Variants in LGSN observed in about 807,000 individuals in gnomAD.
LGSN encodes the protein lengsin, lens protein with glutamine synthetase domain.
A neutral mutation model predicts 19.5 loss-of-function variants in LGSN; 21 were observed. The ratio of observed to expected loss-of-function variants is 1.07; its 90% CI spans 0.76 to 1.55. The LOEUF is 1.55. LGSN is among the 40% of genes most tolerant of loss of function. The pLI, the probability that LGSN is intolerant of heterozygous loss-of-function variation, is 0.00. For synonymous variants in LGSN, 257 were observed against 215.6 expected, an observed-to-expected ratio of 1.19 and a Z score of -1.68; for missense variants, 673 against 608.5, an observed-to-expected ratio of 1.11 and a Z score of -1.12.
chr6:63,416,211 T>G, the LGSN span, among the ~76,000 whole-genome samples: 5 of 152,166 alleles, frequency 3.3e-5, no homozygotes, highest in East Asian at 9.7e-4. Context: ...CACGATTCAT[T>G]GCTACTGTCT....
At chr6:63,370,778 C>T in the LGSN span, among the ~76,000 whole-genome samples, 1 of 152,210 alleles carries the variant, frequency 6.6e-6, no homozygotes, top group African/African-American at 2.4e-5. Context: ...TGCACTCATC[C>T]TGCAAGTAGC....
At chr6:63,504,961 T>G in the LGSN span, among the ~76,000 whole-genome samples, 1 of 152,192 alleles carries the variant, frequency 6.6e-6, no homozygotes, top group Admixed American at 6.5e-5. Context: ...TGTCACACAT[T>G]CTTTTGAGTC....
the LGSN span, among the ~76,000 whole-genome samples, chr6:63,425,103 A>G: frequency 6.6e-6 from 1 of 152,212 alleles, no homozygotes; most frequent in African/African-American, 2.4e-5. Context: ...AATGGCTACA[A>G]TGAAAAATGG....
the LGSN span, among the ~76,000 whole-genome samples, chr6:63,542,022 GGTGTGTGTGTGTGTGT>G: frequency 2.9e-4 from 43 of 146,844 alleles, no homozygotes; most frequent in African/African-American, 1.0e-3. Context: ...AAGAAACTGT[GGTGTGTGTGTGTGTGT>G]GTGTGTGTGT....
the LGSN span, among the ~76,000 whole-genome samples, chr6:63,547,033 G>C: frequency 6.6e-6 from 1 of 152,054 alleles, no homozygotes; most frequent in African/African-American, 2.4e-5. Context: ...AGTAGTGATA[G>C]ATGGTTTTCA....
At chr6:63,323,970 G>A (rs147624920), upstream of LGSN, among the ~76,000 whole-genome samples, 328 of 151,826 alleles carry the variant, frequency 2.2e-3, 4 homozygotes, top group African/African-American at 7.6e-3. Flanking sequence ...ACAGGGTTTC[G>A]CCATGTTGGC....
chr6:63,508,025 A>C, the LGSN span, among the ~76,000 whole-genome samples: 2 of 148,230 alleles, frequency 1.3e-5, no homozygotes, highest in South Asian at 4.3e-4. Flanking sequence ...GTTGGATCCT[A>C]ATTTTCCTTC....
chr6:63,555,883 A>G, the LGSN span, among the ~76,000 whole-genome samples: 1 of 151,910 alleles, frequency 6.6e-6, no homozygotes, highest in South Asian at 2.1e-4. Context: ...TAGTAGAGAC[A>G]GGGTTTCGCT....
At chr6:63,320,464 A>T (rs148778742), upstream of LGSN, among the ~76,000 whole-genome samples, 2 of 152,132 alleles carry the variant, frequency 1.3e-5, no homozygotes, top group African/African-American at 4.8e-5. Context: ...CTGGCCTCCA[A>T]ATTAATTCTG....
chr6:63,323,518 T>A (rs1386489198), upstream of LGSN, among the ~76,000 whole-genome samples: 1 of 150,088 alleles, frequency 6.7e-6, no homozygotes, highest in Admixed American at 6.7e-5. Context: ...CTACTTATTG[T>A]GATAATATCT....
At chr6:63,316,002 A>G (rs1294040757) in intron 1 of LGSN, among the ~76,000 whole-genome samples, 3 of 152,088 alleles carry the variant, frequency 2.0e-5, no homozygotes, top group Admixed American at 1.3e-4. Context: ...AATTTTACTT[A>G]ATATAATAAG....
the LGSN span, among the ~76,000 whole-genome samples, chr6:63,345,268 T>C: frequency 6.6e-6 from 1 of 152,218 alleles, no homozygotes; most frequent in Non-Finnish European, 1.5e-5. Context: ...AGGTGGTTTC[T>C]TTTTTATTTC....
the LGSN span, among the ~76,000 whole-genome samples, chr6:63,378,246 T>C: frequency 6.6e-6 from 1 of 152,132 alleles, no homozygotes; most frequent in Non-Finnish European, 1.5e-5. Flanking sequence ...AACATCTGGC[T>C]TTCTTGATCA....
chr6:63,481,193 T>C, the LGSN span, among the ~76,000 whole-genome samples: 1 of 152,040 alleles, frequency 6.6e-6, no homozygotes, highest in Non-Finnish European at 1.5e-5. Context: ...TACAAAGTGA[T>C]ATAATGTGAC....
At chr6:63,363,071 C>T in the LGSN span, among the ~76,000 whole-genome samples, 1 of 152,232 alleles carries the variant, frequency 6.6e-6, no homozygotes, top group South Asian at 2.1e-4. Flanking sequence ...GATAGTGATA[C>T]CCAGGCAAAC....
At chr6:63,551,872 T>A in the LGSN span, among the ~76,000 whole-genome samples, 1 of 152,230 alleles carries the variant, frequency 6.6e-6, no homozygotes, top group Non-Finnish European at 1.5e-5. Flanking sequence ...GGACATGAAC[T>A]CATCATTTTT....
At chr6:63,440,248 T>C in the LGSN span, among the ~76,000 whole-genome samples, 1 of 152,298 alleles carries the variant, frequency 6.6e-6, no homozygotes, top group East Asian at 1.9e-4. Flanking sequence ...TGATTCTCCC[T>C]GCATAATGCC....
chr6:63,443,713 G>A, the LGSN span: 14 of 236,174 alleles, frequency 5.9e-5, no homozygotes, highest in African/African-American at 2.8e-4. Context: ...ATTGGTACTT[G>A]AGACCTCCTC....
Position 63,281,166 on chromosome 6 carries a change from T to C in LGSN, c.385A>G (p.Asn129Asp), listed in dbSNP as rs948864140. ...TTATTCATTTCATTGTCCTTTGGAT[T>C]TGGTATCACTTCAAGATAACCTCGG... ...MPRGYLEVIPNPKDNEMNNIR... is the reference protein window; with the variant it reads ...MPRGYLEVIPDPKDNEMNNIR... The change falls in exon 4 of 4, where the codon AAT (asparagine) becomes GAT (aspartate). Residue 129 changes from asparagine (N) to aspartate (D), a missense_variant. Asn to Asp is a conservative substitution (Grantham distance 23). Coordinates refer to ENST00000370657, the MANE Select transcript of LGSN (RefSeq NM_016571.3). The C allele has an allele frequency of 6.2e-7, 1 of 1,613,500 alleles. No individual in the cohort carries two copies. Among genetic ancestry groups the C allele is most frequent in the Non-Finnish European group, 8.5e-7 (1 of 1,179,730 alleles).
Sources: gnomAD v4.1 joint callset for allele counts (sites outside exome capture counted in the v4.1 genomes callset) on GRCh38, gnomAD v4.1.1 for gene constraint, MANE v1.5 for transcripts, NCBI Gene and HGNC (gene_info 2026-07-23, HGNC 2026-07-21) for gene names.